The following SCAMP3 variants were observed in gnomAD, a reference collection of about 807,000 sequenced individuals.
SCAMP3 encodes the protein secretory carrier-associated membrane protein 3.
A neutral mutation model predicts 44.1 loss-of-function variants in SCAMP3; 30 were observed. The ratio of observed to expected loss-of-function variants is 0.68; its 90% CI spans 0.51 to 0.92. The LOEUF (loss-of-function observed/expected upper bound fraction) is 0.92. SCAMP3 is among the 40% of genes least tolerant of loss of function. The probability of loss-of-function intolerance (pLI) is 0.00; values close to 1 mark genes in which losing one functional copy is unlikely to be tolerated. For missense variants in SCAMP3, 394 were observed against 440.0 expected (o/e 0.90, Z 0.93); for synonymous variants, 168 against 171.1 (o/e 0.98, Z 0.14).
Position 155,261,856 on chromosome 1 carries a change from G to C in SCAMP3, c.67-122C>G, listed in dbSNP as rs376455114. The C allele has an allele frequency of 3.3e-3, 3,186 of 959,582 alleles. 31 individuals carry two copies. Among genetic ancestry groups the C allele is most frequent in the South Asian group, 0.02 (1,468 of 73,992 alleles). The allele number at this position is 959,582 out of a possible 1,614,324, so 59.4% of individuals were successfully genotyped here. A position where few individuals can be genotyped will look rare whatever the true frequency, so the allele number is the denominator to read the frequency against. On this transcript the variant is annotated intron_variant, in intron 1 of 8. Transcript: ENST00000302631. The stretch of plus-strand genomic sequence containing the variant: ...CCTTCGGGGCCACGCCGTTGTCCCA[G>C]GACTGGGACAACATTTACCTCAAAT...
intron 4 of SCAMP3, 127 bp from the exon 5 acceptor site, chr1:155,259,081 CTGT>C: frequency 2.5e-6 from 2 of 802,312 alleles, no homozygotes; most frequent in African/African-American, 2.1e-5. Flanking sequence ...GATAGGGTCT[CTGT>C]TGTTCAGGCT....
Position 155,261,674 on chromosome 1 carries a change from G to T in SCAMP3, c.127C>A (p.Pro43Thr), listed in dbSNP as rs1344437782. 11 of 1,613,950 alleles carry T rather than the reference G, an allele frequency of 6.8e-6. No individual in the cohort carries two copies. Among genetic ancestry groups the T allele is most frequent in the African/African-American group, 1.3e-5 (1 of 74,928 alleles). Residue 43 changes from proline (P) to threonine (T), a missense_variant, in exon 2 of 9, where the codon CCT becomes ACT. Pro to Thr is a conservative substitution (Grantham distance 38, BLOSUM62 -1). Coordinates refer to ENST00000302631, the MANE Select transcript of SCAMP3 (RefSeq NM_005698.4). ...RQYATLDVYN[P>T]FETREPPPAY... ...TAGCTCACCTCCCGGGTCTCAAAAG[G>T]GTTGTAGACGTCAAGCGTGGCATAC...
Position 155,256,322 on chromosome 1 carries a change from G to A in SCAMP3, c.995C>T (p.Ala332Val). 1 of 1,601,684 alleles carries A rather than the reference G, an allele frequency of 6.2e-7. No homozygotes were observed. The highest frequency in any genetic ancestry group is 1.1e-5 in the South Asian group (1 of 90,508). The change falls in exon 9 of 9, where the codon GCT (alanine) becomes GTT (valine). Residue 332 changes from alanine (A) to valine (V), a missense_variant. Transcript: ENST00000302631. ...VFSNPAVRTA[A>V]ANAAAGAAEN... ...AGCAGCCCCAGCGGCTGCATTGGCA[G>A]CTGCGGTTCGCACCGCAGGGTTGGA...
intron 4 of SCAMP3, among the ~76,000 whole-genome samples, chr1:155,259,711 G>C (rs2148121379): frequency 6.6e-6 from 1 of 152,298 alleles, no homozygotes; most frequent in South Asian, 2.1e-4. Context: ...GGAGACAAGT[G>C]AGAGTGGAAA....
At chr1:155,261,173 CT>C (rs935793411) in intron 2 of SCAMP3, 3 of 172,580 alleles carry the variant, frequency 1.7e-5, no homozygotes, top group Admixed American at 1.7e-4. Context: ...TCAAGCAATC[CT>C]CCCACCTCAG....
chr1:155,261,553 C>G, intron 2 of SCAMP3, 104 bp downstream of exon 2: 3 of 1,005,880 alleles, frequency 3.0e-6, no homozygotes, highest in Non-Finnish European at 4.7e-6. Context: ...ATCACAGTGC[C>G]TCTTCCTTCC....
intron 4 of SCAMP3, 95 bp from the exon 5 acceptor site, chr1:155,259,049 T>A: frequency 2.1e-5 from 12 of 559,764 alleles, no homozygotes; most frequent in Non-Finnish European, 2.7e-5. Context: ...ATCCTCTCTT[T>A]TTTTTTTTTT....
Position 155,257,761 on chromosome 1 carries a change from G to A in SCAMP3, c.518-104C>T, listed in dbSNP as rs1004551167. On this transcript the variant is annotated intron_variant, in intron 5 of 8. Coordinates refer to ENST00000302631, the MANE Select transcript of SCAMP3 (RefSeq NM_005698.4). ...TATTCACCAAACATGGCAGAGTAAG[G>A]AAATGAAGGCAGCTGCTGCCTTCAT... 2.7e-5 allele frequency: 30 copies of A among 1,122,044 alleles called. No individual in the cohort carries two copies. In the South Asian group the frequency reaches 4.0e-4, roughly 15 times the overall value. 69.5% of individuals were successfully genotyped at this position (1,122,044 alleles called of 1,614,324 possible). A position where few individuals can be genotyped will look rare whatever the true frequency, so the allele number is the denominator to read the frequency against.
Position 155,256,414 on chromosome 1 carries a change from G to C in SCAMP3, c.903C>G (p.His301Gln), listed in dbSNP as rs371502011. ...VLGIVMLKRI[H>Q]SLYRRTGASF... ...TGGCACCTGTGCGGCGGTATAAGGA[G>C]TGGATCTGCAAGTAGAGGACAAAGA... The change falls in exon 9 of 9, where the codon CAC becomes CAG. Residue 301 changes from histidine to glutamine, a missense_variant. Coordinates refer to ENST00000302631, the MANE Select transcript of SCAMP3 (RefSeq NM_005698.4). 3 of 1,583,032 alleles carry C rather than the reference G, an allele frequency of 1.9e-6. No homozygotes were observed. The highest frequency in any genetic ancestry group is 1.7e-6 in the Non-Finnish European group (2 of 1,162,180).
At chr1:155,259,931 T>C (rs1672912681) in intron 4 of SCAMP3, among the ~76,000 whole-genome samples, 1 of 151,672 alleles carries the variant, frequency 6.6e-6, no homozygotes, top group Non-Finnish European at 1.5e-5. Context: ...AACTCAGCAG[T>C]CTGACTCCAG....
chr1:155,256,432 G>C lies in SCAMP3; in HGVS notation c.898-13C>G. ...ATAAGGAGTGGATCTGCAAGTAGAGGACAAAGACATTACCGCCCATTCCAG... is the reference window on the plus strand; with the variant it reads ...ATAAGGAGTGGATCTGCAAGTAGAGCACAAAGACATTACCGCCCATTCCAG... On this transcript the variant is annotated splice_polypyrimidine_tract_variant and intron_variant, in intron 8 of 8. Transcript: ENST00000302631. The C allele has an allele frequency of 6.4e-7, 1 of 1,567,956 alleles. No individual in the cohort carries two copies. Among genetic ancestry groups the C allele is most frequent in the South Asian group, 1.2e-5 (1 of 86,520 alleles).
In SCAMP3 at chr1:155,260,589, G is replaced by C; in HGVS notation, c.215C>G (p.Ser72Trp). The C allele has an allele frequency of 1.2e-6, 2 of 1,614,186 alleles. No individual in the cohort carries two copies. The highest frequency in any genetic ancestry group is 1.3e-5 in the African/African-American group (1 of 75,050). ...PPPSAPSLQP[S>W]RKLSPTEPKN... is the part of the protein sequence containing the mutation. The stretch of plus-strand genomic sequence containing the variant: ...AGGTTCTGTGGGGCTGAGCTTTCTC[G>C]AGGGCTGCAAGGAGGGAGCTGAGGG... The change falls in exon 3 of 9, where the codon TCG becomes TGG. Residue 72 changes from serine to tryptophan, a missense_variant. Ser to Trp is a radical substitution (Grantham distance 177, BLOSUM62 -3). Transcript: ENST00000302631.
At position 155,262,260 on chromosome 1, in the gene SCAMP3, T is replaced by A. The variant is rs1303008968; in HGVS notation, c.-109A>T. The stretch of plus-strand genomic sequence containing the variant: ...TTCACTCGCCTCAGTTCGCCCCGCT[T>A]CTCTGTGCACGGATTGGTTCCACCG... On this transcript the variant is annotated 5_prime_UTR_variant, in exon 1 of 9. Coordinates refer to ENST00000302631, the MANE Select transcript of SCAMP3 (RefSeq NM_005698.4). 2.2e-5 allele frequency: 22 copies of A among 1,001,306 alleles called. No homozygotes were observed. The highest frequency in any genetic ancestry group is 3.3e-5 in the Non-Finnish European group (22 of 675,894). 62.0% of individuals were successfully genotyped at this position (1,001,306 alleles called of 1,614,324 possible).
intron 2 of SCAMP3, among the ~76,000 whole-genome samples, chr1:155,260,968 C>T (rs1405518294): frequency 7.3e-5 from 11 of 151,660 alleles, no homozygotes; most frequent in African/African-American, 2.7e-4. Flanking sequence ...CTCTCTGCCA[C>T]CCAGGCTGGA....
chr1:155,260,696 T>C lies in SCAMP3; in HGVS notation c.145-37A>G, dbSNP rs767071192. On this transcript the variant is annotated intron_variant, in intron 2 of 8. Transcript: ENST00000302631. ...AAGACCTTAGTGATCATCTAGTCCCTCATAACACAGGAATCTAGAGTCTGC... is the reference window on the plus strand; with the variant it reads ...AAGACCTTAGTGATCATCTAGTCCCCCATAACACAGGAATCTAGAGTCTGC... 3 of 1,554,880 alleles carry C rather than the reference T, an allele frequency of 1.9e-6. No homozygotes were observed. In the African/African-American group the frequency reaches 4.1e-5, roughly 21 times the overall value.
In SCAMP3 at chr1:155,261,589, C is replaced by T. The variant is rs1373483891; in HGVS notation, c.144+68G>A. On this transcript the variant is annotated intron_variant, in intron 2 of 8. Transcript: ENST00000302631. ...TGTGCATGCAGAAAAGTCCCCTGTA[C>T]CCAAGCTAACTTGTCTCACTGGCAA... is the stretch of plus-strand genomic sequence containing the variant. 8 of 1,404,348 alleles carry T rather than the reference C, an allele frequency of 5.7e-6. No homozygotes were observed. The Admixed American group carries it at 1.3e-4, about 24-fold the overall frequency. The allele number at this position is 1,404,348 out of a possible 1,614,324, so 87.0% of individuals were successfully genotyped here.
At chr1:155,256,911 AT>A in intron 7 of SCAMP3, 120 bp from the exon 8 acceptor site, 1 of 721,190 alleles carries the variant, frequency 1.4e-6, no homozygotes, top group Non-Finnish European at 2.4e-6. Flanking sequence ...ATCGAGCAGC[AT>A]TCCAAGCACC....
At chr1:155,259,660 C>T (rs1672904443) in intron 4 of SCAMP3, among the ~76,000 whole-genome samples, 1 of 152,202 alleles carries the variant, frequency 6.6e-6, no homozygotes, top group Admixed American at 6.5e-5. Context: ...GCACCATACC[C>T]AGCCCTGGAT....
chr1:155,256,316 T>C lies in SCAMP3; in HGVS notation c.1001A>G (p.Asn334Ser), dbSNP rs200941865. 55 of 1,600,176 alleles carry C rather than the reference T, an allele frequency of 3.4e-5. No individual in the cohort carries two copies. The highest frequency in any genetic ancestry group is 5.1e-5 in the Admixed American group (3 of 59,016). ...ATTTTCAGCAGCCCCAGCGGCTGCA[T>C]TGGCAGCTGCGGTTCGCACCGCAGG... Reference protein sequence around the residue: ...SNPAVRTAAANAAAGAAENAF... With the variant: ...SNPAVRTAAASAAAGAAENAF... Residue 334 changes from asparagine (N) to serine (S), a missense_variant, in exon 9 of 9, where the codon AAT becomes AGT. By Grantham distance (46) the Asn-to-Ser change is conservative (BLOSUM62 1). Coordinates refer to ENST00000302631, the MANE Select transcript of SCAMP3 (RefSeq NM_005698.4).
Sources: gnomAD v4.1 joint callset for allele counts (sites outside exome capture counted in the v4.1 genomes callset) on GRCh38, gnomAD v4.1.1 for gene constraint, MANE v1.5 for transcripts, NCBI Gene and HGNC (gene_info 2026-07-23, HGNC 2026-07-21) for gene names.